DNTTIP1: variants seen among roughly 807,000 people sequenced by gnomAD.
DNTTIP1 encodes deoxynucleotidyltransferase terminal-interacting protein 1.
In DNTTIP1, 22 loss-of-function variants were observed where a neutral mutation model predicts 52.9. That is an observed-to-expected ratio of 0.42 (90% CI 0.30 to 0.59). The LOEUF (loss-of-function observed/expected upper bound fraction) is 0.59, where lower values mean the gene tolerates loss of function less well. DNTTIP1 is among the 20% of genes least tolerant of loss of function. DNTTIP1 has a pLI of 0.22. For missense variants in DNTTIP1, 286 were observed against 435.5 expected, an observed-to-expected ratio of 0.66 and a Z score of 3.06; for synonymous variants, 136 against 155.1, an observed-to-expected ratio of 0.88 and a Z score of 0.92.
chr20:45,795,672 G>A (rs113250953), intron 4 of DNTTIP1, among the ~76,000 whole-genome samples: 4 of 152,138 alleles, frequency 2.6e-5, no homozygotes, highest in Non-Finnish European at 4.4e-5. Context: ...GGTGGTGCAC[G>A]CCTATAATCC....
chr20:45,804,076 C>A (rs754082469), intron 8 of DNTTIP1, among the ~76,000 whole-genome samples: 2 of 152,182 alleles, frequency 1.3e-5, no homozygotes, highest in Non-Finnish European at 2.9e-5. Flanking sequence ...CCACCATGTT[C>A]TAAAACTCCC....
chr20:45,810,782 C>T, intron 11 of DNTTIP1, 103 bp from the exon 12 acceptor site: 1 of 1,065,536 alleles, frequency 9.4e-7, no homozygotes, highest in East Asian at 2.5e-5. Context: ...CCCCCGCTTC[C>T]ACCTAGTAGC....
chr20:45,803,302 G>T (rs769010101), intron 7 of DNTTIP1, 31 bp from the exon 8 acceptor site: 7 of 1,613,498 alleles, frequency 4.3e-6, no homozygotes, highest in Non-Finnish European at 5.9e-6. Context: ...TCACCTTGGA[G>T]AATTCACCTT....
intron 7 of DNTTIP1, chr20:45,803,074 CTT>C: frequency 2.2e-6 from 1 of 458,914 alleles, no homozygotes. Flanking sequence ...GTTTTTGTCT[CTT>C]TTGACAGATG....
intron 8 of DNTTIP1, 39 bp from the exon 9 acceptor site, chr20:45,805,107 T>G: frequency 6.3e-7 from 1 of 1,584,450 alleles, no homozygotes; most frequent in Non-Finnish European, 8.7e-7. Context: ...CCCATCAGAT[T>G]AAACTTCACC....
intron 4 of DNTTIP1, chr20:45,796,433 G>T: frequency 2.1e-6 from 1 of 469,708 alleles, no homozygotes; most frequent in Non-Finnish European, 4.4e-6. Context: ...AATTAGAATA[G>T]CTAAGATCTG....
At chr20:45,793,104 G>T (rs2145695800) in intron 2 of DNTTIP1, among the ~76,000 whole-genome samples, 1 of 152,338 alleles carries the variant, frequency 6.6e-6, no homozygotes, top group Middle Eastern at 3.4e-3. Context: ...AACAGACTCT[G>T]ATGAGCCCGT....
chr20:45,809,656 A>C lies in DNTTIP1; in HGVS notation c.795+471A>C, dbSNP rs1445369878. Among the ~76,000 whole-genome samples, 3 of 152,338 alleles carry C rather than the reference A, an allele frequency of 2.0e-5. No homozygotes were observed. The highest frequency in any genetic ancestry group is 6.8e-3 in the Middle Eastern group (2 of 294). Reference sequence around the variant, plus strand: ...GGCAGCCCCTTCCAGATTTACCTCTACTTGAAGAGTTCTCAGATCATATGA... The same window carrying C: ...GGCAGCCCCTTCCAGATTTACCTCTCCTTGAAGAGTTCTCAGATCATATGA... On this transcript the variant is annotated intron_variant, in intron 11 of 12. Coordinates refer to ENST00000372622, the MANE Select transcript of DNTTIP1 (RefSeq NM_052951.3). This position sits in a 1 kb window ranked among gnomAD's most constrained non-coding sequence, Gnocchi z 4.2.
chr20:45,793,289 G>T (rs1021805233), intron 2 of DNTTIP1, among the ~76,000 whole-genome samples: 3 of 152,062 alleles, frequency 2.0e-5, no homozygotes, highest in Non-Finnish European at 4.4e-5. Flanking sequence ...TGGGCCGGGC[G>T]CGGTGGCTCA....
chr20:45,803,892 C>T (rs1314336024), intron 8 of DNTTIP1, among the ~76,000 whole-genome samples: 1 of 152,210 alleles, frequency 6.6e-6, no homozygotes, highest in African/African-American at 2.4e-5. Flanking sequence ...CCCGCTGACA[C>T]CAGAGTCTGT....
intron 3 of DNTTIP1, among the ~76,000 whole-genome samples, chr20:45,794,786 T>C (rs1216999358): frequency 8.0e-6 from 1 of 124,294 alleles, no homozygotes; most frequent in Admixed American, 8.7e-5. Context: ...TCATCTCTAC[T>C]AAAAAAAAAA....
chr20:45,810,759 T>C, intron 11 of DNTTIP1, 126 bp from the exon 12 acceptor site: 2 of 813,656 alleles, frequency 2.5e-6, no homozygotes, highest in Non-Finnish European at 4.0e-6. Context: ...CCGTACTAAA[T>C]TGTAAACCGC....
chr20:45,806,556 G>A (rs527401130), intron 10 of DNTTIP1, among the ~76,000 whole-genome samples: 1 of 152,244 alleles, frequency 6.6e-6, no homozygotes, highest in Non-Finnish European at 1.5e-5. Flanking sequence ...GAATAGCAGT[G>A]CATGTGTGTT....
intron 10 of DNTTIP1, among the ~76,000 whole-genome samples, 177 bp from the exon 11 acceptor site, chr20:45,808,937 C>CT (rs1490353710): frequency 6.6e-6 from 1 of 152,138 alleles, no homozygotes; most frequent in African/African-American, 2.4e-5. Context: ...GTCCCATGGT[C>CT]TGCCCTCGGG....
At chr20:45,799,430 TC>T (rs1981349898) in intron 4 of DNTTIP1, among the ~76,000 whole-genome samples, 1 of 152,182 alleles carries the variant, frequency 6.6e-6, no homozygotes, top group African/African-American at 2.4e-5. Context: ...CTGCACCATC[TC>T]CCCTCTGCCC....
At chr20:45,804,102 T>C (rs922846139) in intron 8 of DNTTIP1, among the ~76,000 whole-genome samples, 1 of 152,214 alleles carries the variant, frequency 6.6e-6, no homozygotes, top group African/African-American at 2.4e-5. Flanking sequence ...TCTTTGTCCA[T>C]CCCATGCCTC....
At chr20:45,799,163 G>A (rs56017754) in intron 4 of DNTTIP1, among the ~76,000 whole-genome samples, 2,489 of 152,310 alleles carry the variant, frequency 0.016, 84 homozygotes, top group African/African-American at 0.057. Context: ...TTATGGAATC[G>A]TGGTTTATAG....
intron 1 of DNTTIP1, 67 bp from the exon 2 acceptor site, chr20:45,792,610 A>C: frequency 1.6e-6 from 2 of 1,261,376 alleles, no homozygotes; most frequent in Non-Finnish European, 2.2e-6. Context: ...CTTCATACCC[A>C]CCCTCCACCT....
At chr20:45,805,732 C>G (rs756191249) in intron 10 of DNTTIP1, among the ~76,000 whole-genome samples, 1 of 152,144 alleles carries the variant, frequency 6.6e-6, no homozygotes, top group Non-Finnish European at 1.5e-5. Flanking sequence ...GATTCAAATC[C>G]AGGTCTGTCC....
Sources: allele counts gnomAD v4.1 joint callset (sites outside exome capture counted in the v4.1 genomes callset), GRCh38; gene constraint gnomAD v4.1.1; non-coding constraint Gnocchi (gnomAD v3.1); transcripts MANE v1.5; gene names NCBI Gene and HGNC (gene_info 2026-07-23, HGNC 2026-07-21).